SGO1: variants seen among roughly 807,000 people sequenced by gnomAD.
The protein encoded by SGO1 is shugoshin 1.
A neutral mutation model predicts 50.5 loss-of-function variants in SGO1; 39 were observed. That is an observed-to-expected ratio of 0.77 (90% CI 0.60 to 1.01). The LOEUF (loss-of-function observed/expected upper bound fraction) is 1.01. Among genes scored for constraint, SGO1 ranks in the 50% least tolerant of loss-of-function variants. The pLI, the probability that SGO1 is intolerant of heterozygous loss-of-function variation, is 0.00. For synonymous variants in SGO1, 191 were observed against 205.1 expected (o/e 0.93, Z 0.59); for missense variants, 638 against 606.0 (o/e 1.05, Z -0.55).
intron 1 of SGO1, among the ~76,000 whole-genome samples, chr3:20,184,910 G>A (rs1441171627): frequency 7.1e-6 from 1 of 140,502 alleles, no homozygotes; most frequent in Non-Finnish European, 1.5e-5. Context: ...ATTGCACTTT[G>A]CAGATCTTAA....
chr3:20,165,552 A>G (rs1700252061), downstream of SGO1, among the ~76,000 whole-genome samples: 1 of 152,210 alleles, frequency 6.6e-6, no homozygotes, highest in South Asian at 2.1e-4. Context: ...ATAATTATTA[A>G]AAAACTAGTA....
In SGO1 at chr3:20,174,757, C is replaced by T. The variant is rs960749142; in HGVS notation, c.774G>A (p.Lys258=). 1.2e-6 allele frequency: 2 copies of T among 1,613,998 alleles called. No individual in the cohort carries two copies. Residue 258 remains lysine, a synonymous_variant, in exon 6 of 8, where the codon AAG becomes AAA. Transcript: ENST00000412997. The stretch of plus-strand genomic sequence containing the variant: ...TAGTAAACGTTCCTGGCTGAATCAG[C>T]TTTGGTGATAAGTTAACTTGGTCCT... ...WSKDQVNLSP[K]LIQPGTFTKT...
Position 20,183,613 on chromosome 3 carries a change from C to G in SGO1, c.334G>C (p.Ala112Pro), listed in dbSNP as rs183736430. 1.3e-6 allele frequency: 2 copies of G among 1,574,326 alleles called. No homozygotes were observed. Among genetic ancestry groups the G allele is most frequent in the Non-Finnish European group, 1.7e-6 (2 of 1,165,864 alleles). Reference sequence around the variant, plus strand: ...GGCCTTAGTAATGAAAATACCTGAGCAGGTTCTACTGTTTGTTGTGATGTA... The same window carrying G: ...GGCCTTAGTAATGAAAATACCTGAGGAGGTTCTACTGTTTGTTGTGATGTA... ...KLTSQQTVEP[A>P]QNQEICSSGM... The change falls in exon 3 of 8, where the codon GCT (alanine) becomes CCT (proline). Residue 112 changes from alanine to proline, a missense_variant. Ala to Pro is a conservative substitution (Grantham distance 27). Transcript: ENST00000412997.
chr3:20,178,013 A>G (rs1306832837), intron 4 of SGO1, among the ~76,000 whole-genome samples: 1 of 152,196 alleles, frequency 6.6e-6, no homozygotes, highest in African/African-American at 2.4e-5. Flanking sequence ...GAAAGTATGA[A>G]GTAGAATTAA....
Position 20,170,401 on chromosome 3 carries a change from A to G in SGO1, c.*303T>C, listed in dbSNP as rs1034724272. The G allele has an allele frequency of 4.9e-5, 36 of 732,176 alleles. No individual in the cohort carries two copies. Among genetic ancestry groups the G allele is most frequent in the South Asian group, 6.2e-5 (1 of 16,102 alleles). The allele number at this position is 732,176 out of a possible 1,614,324, so 45.4% of individuals were successfully genotyped here. On this transcript the variant is annotated 3_prime_UTR_variant, in exon 8 of 8. Coordinates refer to ENST00000412997, the MANE Select transcript of SGO1 (RefSeq NM_001199251.3). ...CAACAAGAATGAAATTCCGCCTCCA[A>G]AAAAAAAAAAAGATATATTTCGACT...
chr3:20,183,536 A>C (rs1702261027), intron 3 of SGO1, 72 bp downstream of exon 3: 1 of 1,211,144 alleles, frequency 8.3e-7, no homozygotes, highest in Non-Finnish European at 1.2e-6. Flanking sequence ...TCATTTAAAT[A>C]ACATAATTGA....
downstream of SGO1, among the ~76,000 whole-genome samples, chr3:20,168,211 C>T (rs1004004688): frequency 1.3e-5 from 2 of 152,098 alleles, no homozygotes; most frequent in African/African-American, 4.8e-5. Context: ...AGGTAAGGAT[C>T]AAAGCTAGAT....
At chr3:20,186,576 A>AGCCAGC (rs1336383942), upstream of SGO1, 1 of 152,258 alleles carries the variant, frequency 6.6e-6, no homozygotes, top group Non-Finnish European at 1.5e-5. Context: ...GTTGCCTGTT[A>AGCCAGC]AAGCGGTCAG....
chr3:20,161,370 C>T, intron 8 of SGO1: 1 of 1,291,930 alleles, frequency 7.7e-7, no homozygotes, highest in Non-Finnish European at 1.0e-6. Context: ...AATCAAAAGT[C>T]AGCAGATACA....
chr3:20,170,926 T>G, intron 7 of SGO1, 111 bp from the exon 8 acceptor site: 3 of 1,475,356 alleles, frequency 2.0e-6, no homozygotes, highest in Non-Finnish European at 2.7e-6. Flanking sequence ...CTCACTTCAG[T>G]TTTTTTAAAT....
At chr3:20,173,313 T>C (rs1700988997) in intron 6 of SGO1, among the ~76,000 whole-genome samples, 1 of 152,076 alleles carries the variant, frequency 6.6e-6, no homozygotes, top group South Asian at 2.1e-4. Context: ...CATTTTTTTG[T>C]ATTTTTAGTA....
intron 5 of SGO1, among the ~76,000 whole-genome samples, chr3:20,175,997 A>G (rs1250343689): frequency 6.6e-6 from 1 of 152,198 alleles, no homozygotes; most frequent in Middle Eastern, 3.2e-3. Flanking sequence ...TAAGAAATAT[A>G]ATTTGTATTT....
rs778716850 is a variant in SGO1 at position 20,174,764 on chromosome 3, G to A, written c.767C>T (p.Ser256Leu). 2 of 1,614,024 alleles carry A rather than the reference G, an allele frequency of 1.2e-6. No individual in the cohort carries two copies. Among genetic ancestry groups the A allele is most frequent in the South Asian group, 2.2e-5 (2 of 91,070 alleles). ...CQWSKDQVNL[S>L]PKLIQPGTFT... is the part of the protein sequence containing the mutation. Reference sequence around the variant, plus strand: ...CGTTCCTGGCTGAATCAGCTTTGGTGATAAGTTAACTTGGTCCTTGCTCCA... The same window carrying A: ...CGTTCCTGGCTGAATCAGCTTTGGTAATAAGTTAACTTGGTCCTTGCTCCA... Residue 256 changes from serine (S) to leucine (L), a missense_variant, in exon 6 of 8, where the codon TCA (serine) becomes TTA (leucine). Ser to Leu is a moderately radical substitution (Grantham distance 145). Transcript: ENST00000412997.
At chr3:20,181,943 T>C (rs1702058929) in intron 3 of SGO1, among the ~76,000 whole-genome samples, 1 of 151,566 alleles carries the variant, frequency 6.6e-6, no homozygotes, top group Non-Finnish European at 1.5e-5. Flanking sequence ...ATTAGCCAGG[T>C]GTGGTGGCGC....
intron 6 of SGO1, among the ~76,000 whole-genome samples, chr3:20,171,590 C>T (rs1575198060): frequency 2.0e-5 from 3 of 152,300 alleles, no homozygotes; most frequent in East Asian, 1.9e-4. Flanking sequence ...TATAACAGAA[C>T]ACTTTACTAA....
At chr3:20,171,253 A>G (rs1039050448) in intron 6 of SGO1, 21 bp from the exon 7 acceptor site, 1 of 1,523,604 alleles carries the variant, frequency 6.6e-7, no homozygotes, top group African/African-American at 1.4e-5. Flanking sequence ...ATTTTTACTG[A>G]ATATGATTTA....
Position 20,183,881 on chromosome 3 carries a change from C to G in SGO1, c.142+5G>C, listed in dbSNP as rs747934644. The G allele has an allele frequency of 3.7e-6, 6 of 1,604,990 alleles. No homozygotes were observed. Among genetic ancestry groups the G allele is most frequent in the Non-Finnish European group, 3.4e-6 (4 of 1,177,980 alleles). The stretch of plus-strand genomic sequence containing the variant: ...ATATAAAAGGACAACATAAAAATCT[C>G]TTACTGATTATTTGGCATGGTGCAG... On this transcript the variant is annotated splice_donor_5th_base_variant and intron_variant, in intron 2 of 7. Transcript: ENST00000412997.
intron 3 of SGO1, among the ~76,000 whole-genome samples, chr3:20,179,270 C>G (rs374474496): frequency 1.4e-4 from 22 of 152,110 alleles, no homozygotes; most frequent in African/African-American, 5.1e-4. Context: ...GTTTGAGATC[C>G]CTTATAAATC....
chr3:20,168,146 TACAA>T (rs372881519), downstream of SGO1, among the ~76,000 whole-genome samples: 50 of 152,202 alleles, frequency 3.3e-4, no homozygotes, highest in South Asian at 5.6e-3. Context: ...ACACTAAAAA[TACAA>T]ACAATTCAAC....
Sources: gnomAD v4.1 joint callset for allele counts (sites outside exome capture counted in the v4.1 genomes callset) on GRCh38, gnomAD v4.1.1 for gene constraint, MANE v1.5 for transcripts, NCBI Gene and HGNC (gene_info 2026-07-23, HGNC 2026-07-21) for gene names.